The following SNTB1 variants were observed in gnomAD, a reference collection of about 807,000 sequenced individuals.
The protein encoded by SNTB1 is beta-1-syntrophin.
In SNTB1, 36 loss-of-function variants were observed where a neutral mutation model predicts 48.9. That is an observed-to-expected ratio of 0.74 (90% CI 0.56 to 0.97). The LOEUF is 0.97. Among genes scored for constraint, SNTB1 ranks in the 50% least tolerant of loss-of-function variants. SNTB1 has a pLI of 0.00. For synonymous variants in SNTB1, 299 were observed against 294.6 expected, an observed-to-expected ratio of 1.01 and a Z score of -0.15; for missense variants, 786 against 703.4, an observed-to-expected ratio of 1.12 and a Z score of -1.33.
At chr8:120,704,064 C>A (rs1818345654) in intron 1 of SNTB1, among the ~76,000 whole-genome samples, 1 of 152,122 alleles carries the variant, frequency 6.6e-6, no homozygotes, top group African/African-American at 2.4e-5. Flanking sequence ...ATGCTTTTTT[C>A]TTGCATCCTG....
At chr8:120,701,789 A>C (rs1302819433) in intron 1 of SNTB1, among the ~76,000 whole-genome samples, 1 of 152,238 alleles carries the variant, frequency 6.6e-6, no homozygotes, top group Non-Finnish European at 1.5e-5. Flanking sequence ...AGGATGGCCA[A>C]AATGTTCTGA....
intron 1 of SNTB1, among the ~76,000 whole-genome samples, chr8:120,727,720 AC>A (rs1164626110): frequency 1.3e-5 from 2 of 152,222 alleles, no homozygotes; most frequent in Non-Finnish European, 2.9e-5. Context: ...TGTAAAATTT[AC>A]CATGTGCTCA....
chr8:120,656,703 T>C (rs1161113870), intron 2 of SNTB1, among the ~76,000 whole-genome samples: 1 of 152,238 alleles, frequency 6.6e-6, no homozygotes, highest in East Asian at 1.9e-4. Flanking sequence ...GGCCTATTTT[T>C]GCTTCTTTTG....
chr8:120,658,796 G>C (rs1021696894), intron 2 of SNTB1, among the ~76,000 whole-genome samples: 1 of 152,142 alleles, frequency 6.6e-6, no homozygotes, highest in Admixed American at 6.5e-5. Flanking sequence ...CTTAAAATAA[G>C]ACAAGGAAGT....
At chr8:120,588,022 T>G (rs937483934) in intron 3 of SNTB1, among the ~76,000 whole-genome samples, 6 of 152,180 alleles carry the variant, frequency 3.9e-5, no homozygotes, top group African/African-American at 1.4e-4. Context: ...AAAAGCTATC[T>G]TTTGAAAGGG....
At chr8:120,674,552 T>G (rs76732288) in intron 2 of SNTB1, among the ~76,000 whole-genome samples, 3,505 of 152,340 alleles carry the variant, frequency 0.023, 126 homozygotes, top group African/African-American at 0.079. Context: ...TGAACAGCAA[T>G]AGGCTGTGGG....
At chr8:120,597,117 T>C (rs1425823042) in intron 3 of SNTB1, among the ~76,000 whole-genome samples, 1 of 152,072 alleles carries the variant, frequency 6.6e-6, no homozygotes, top group Non-Finnish European at 1.5e-5. Context: ...ACATTTCAGA[T>C]AGATGAGCAG....
intron 1 of SNTB1, among the ~76,000 whole-genome samples, chr8:120,722,791 G>C (rs532639252): frequency 6.6e-6 from 1 of 152,176 alleles, no homozygotes; most frequent in East Asian, 1.9e-4. Flanking sequence ...CATTGCTTTT[G>C]GTGTTTTAGA....
intron 1 of SNTB1, among the ~76,000 whole-genome samples, chr8:120,710,956 C>T (rs1818453034): frequency 6.6e-6 from 1 of 152,150 alleles, no homozygotes; most frequent in Non-Finnish European, 1.5e-5. Flanking sequence ...TGATATGAAT[C>T]TCAAAACAAT....
intron 1 of SNTB1, among the ~76,000 whole-genome samples, chr8:120,723,959 T>C (rs903288763): frequency 2.6e-5 from 4 of 152,166 alleles, no homozygotes; most frequent in African/African-American, 9.7e-5. Context: ...AGCAATGCTA[T>C]TGAAGCAAAG....
intron 1 of SNTB1, among the ~76,000 whole-genome samples, chr8:120,787,053 AT>A (rs756151243): frequency 8.1e-4 from 124 of 152,324 alleles, no homozygotes; most frequent in Non-Finnish European, 1.5e-3. Flanking sequence ...TACCTAACAC[AT>A]CACTATTACA....
chr8:120,680,749 A>G (rs1196133019), intron 2 of SNTB1, among the ~76,000 whole-genome samples: 1 of 152,232 alleles, frequency 6.6e-6, no homozygotes, highest in Non-Finnish European at 1.5e-5. Flanking sequence ...CAAACAAAAT[A>G]GAGTTCAATT....
At chr8:120,673,629 T>A (rs1377752038) in intron 2 of SNTB1, among the ~76,000 whole-genome samples, 1 of 151,964 alleles carries the variant, frequency 6.6e-6, no homozygotes, top group Non-Finnish European at 1.5e-5. Context: ...CTGCTTGGGC[T>A]ATGATGGACA....
chr8:120,570,589 T>C (rs1285411003), intron 4 of SNTB1: 1 of 152,248 alleles, frequency 6.6e-6, no homozygotes, highest in Non-Finnish European at 1.5e-5. Flanking sequence ...CTGAACTCTT[T>C]TGAGCCTCAG....
At chr8:120,574,874 C>T (rs777276959) in intron 4 of SNTB1, among the ~76,000 whole-genome samples, 3 of 152,230 alleles carry the variant, frequency 2.0e-5, no homozygotes, top group African/African-American at 4.8e-5. Flanking sequence ...TGATGATGGA[C>T]GGTATTTTGT....
intron 5 of SNTB1, among the ~76,000 whole-genome samples, chr8:120,547,289 G>A (rs947731821): frequency 2.6e-5 from 4 of 152,006 alleles, no homozygotes; most frequent in African/African-American, 9.7e-5. Flanking sequence ...ATTGATTTTA[G>A]GACCCATAAA....
intron 2 of SNTB1, among the ~76,000 whole-genome samples, chr8:120,668,559 A>T (rs1359788088): frequency 6.6e-6 from 1 of 152,166 alleles, no homozygotes; most frequent in Non-Finnish European, 1.5e-5. Flanking sequence ...AAAGGTATTT[A>T]TTGGGCAGCT....
chr8:120,607,491 G>T (rs998606414), intron 3 of SNTB1, among the ~76,000 whole-genome samples: 1 of 151,546 alleles, frequency 6.6e-6, no homozygotes, highest in African/African-American at 2.4e-5. Context: ...GTGCCATGTT[G>T]GTGTGCTGCA....
At chr8:120,684,446 C>T (rs1272641174) in intron 2 of SNTB1, among the ~76,000 whole-genome samples, 3 of 152,040 alleles carry the variant, frequency 2.0e-5, no homozygotes, top group East Asian at 1.9e-4. Context: ...CTCTAAATGT[C>T]GTCTAAATCA....
Sources: gnomAD v4.1 joint callset for allele counts (sites outside exome capture counted in the v4.1 genomes callset) on GRCh38, gnomAD v4.1.1 for gene constraint, MANE v1.5 for transcripts, NCBI Gene and HGNC (gene_info 2026-07-23, HGNC 2026-07-21) for gene names.